SOX5: variants seen among roughly 807,000 people sequenced by gnomAD.
SOX5 encodes the protein transcription factor SOX-5.
A neutral mutation model predicts 92.0 loss-of-function variants in SOX5; 9 were observed. That is an observed-to-expected ratio of 0.10 (90% CI 0.06 to 0.17). The LOEUF (loss-of-function observed/expected upper bound fraction) is 0.17. Among genes scored for constraint, SOX5 ranks in the 10% least tolerant of loss-of-function variants. SOX5 has a pLI of 1.00. For missense variants in SOX5, 642 were observed against 944.5 expected, an observed-to-expected ratio of 0.68 and a Z score of 4.20; for synonymous variants, 344 against 336.3, an observed-to-expected ratio of 1.02 and a Z score of -0.25.
chr12:23,878,588 T>G (rs1003233169), intron 2 of SOX5, among the ~76,000 whole-genome samples: 2 of 152,078 alleles, frequency 1.3e-5, no homozygotes, highest in African/African-American at 4.8e-5. Context: ...TCCATGTTAT[T>G]TTTCTTTTTG....
At chr12:23,875,663 T>C (rs1434655798) in intron 2 of SOX5, among the ~76,000 whole-genome samples, 4 of 152,174 alleles carry the variant, frequency 2.6e-5, no homozygotes, top group Non-Finnish European at 5.9e-5. Context: ...GAATTACCAC[T>C]GACTTTAAAG....
At chr12:23,739,149 G>A (rs11047072) in intron 5 of SOX5, among the ~76,000 whole-genome samples, 5,265 of 152,232 alleles carry the variant, frequency 0.035, 315 homozygotes, top group African/African-American at 0.12. Context: ...GTAGACACAC[G>A]AATATTAAAT....
chr12:24,324,029 C>G (rs962467747), intron 2 of SOX5, among the ~76,000 whole-genome samples: 2 of 152,106 alleles, frequency 1.3e-5, no homozygotes, highest in Non-Finnish European at 2.9e-5. Context: ...TTAGTGAAAG[C>G]AAATGGACTG....
intron 2 of SOX5, among the ~76,000 whole-genome samples, chr12:24,321,708 A>G (rs1950225680): frequency 6.6e-6 from 1 of 152,182 alleles, no homozygotes; most frequent in African/African-American, 2.4e-5. Context: ...TAGTGTTAAT[A>G]TTTTAAGGTT....
intron 4 of SOX5, among the ~76,000 whole-genome samples, chr12:24,205,934 T>C (rs563043705): frequency 6.6e-6 from 1 of 152,358 alleles, no homozygotes; most frequent in East Asian, 1.9e-4. Flanking sequence ...CCTCCTGCTC[T>C]AATCTGTGTT....
At position 24,296,801 on chromosome 12, in the gene SOX5, G is replaced by A. The variant is rs141445427; in HGVS notation, c.-173-19489C>T. Among the ~76,000 whole-genome samples, 51 of 142,432 alleles carry A rather than the reference G, an allele frequency of 3.6e-4. 1 individual carries two copies. The highest frequency in any genetic ancestry group is 5.3e-4 in the African/African-American group (20 of 38,090). 93.4% of individuals were successfully genotyped at this position (142,432 alleles called of 152,430 possible). ...TTATCTAGAAAGCAAATCTGTAATC[G>A]GCAGATACATTGTTCTTAAAAAAAA... On this transcript the variant is annotated intron_variant, in intron 2 of 4. Transcript: ENST00000446891.
chr12:24,125,083 C>A (rs991721557), intron 4 of SOX5, among the ~76,000 whole-genome samples: 2 of 152,040 alleles, frequency 1.3e-5, no homozygotes, highest in Non-Finnish European at 2.9e-5. Flanking sequence ...GCTTTTAATC[C>A]TAGGTCAAAA....
chr12:23,814,752 C>T (rs2095952642), intron 3 of SOX5, among the ~76,000 whole-genome samples: 1 of 152,160 alleles, frequency 6.6e-6, no homozygotes, highest in Non-Finnish European at 1.5e-5. Context: ...CTGAAGCAAA[C>T]ACTGCAAACA....
intron 4 of SOX5, among the ~76,000 whole-genome samples, chr12:24,101,143 A>C (rs992521140): frequency 6.6e-6 from 1 of 152,146 alleles, no homozygotes; most frequent in Non-Finnish European, 1.5e-5. Context: ...TACTGCTCTC[A>C]GAAGGAAAAC....
At chr12:23,664,106 G>C (rs2083442923) in intron 7 of SOX5, among the ~76,000 whole-genome samples, 1 of 151,968 alleles carries the variant, frequency 6.6e-6, no homozygotes, top group Admixed American at 6.6e-5. Context: ...ATCTCAAATT[G>C]CTTTGCATAT....
chr12:24,388,455 A>T (rs1958647752), intron 1 of SOX5, among the ~76,000 whole-genome samples: 1 of 152,112 alleles, frequency 6.6e-6, no homozygotes, highest in African/African-American at 2.4e-5. Context: ...CTGTCAGAGC[A>T]CGGTGATGTC....
chr12:23,986,630 T>C (rs1950088572), intron 4 of SOX5, among the ~76,000 whole-genome samples: 1 of 152,204 alleles, frequency 6.6e-6, no homozygotes, highest in South Asian at 2.1e-4. Flanking sequence ...TGGTACTAAA[T>C]AACAGATTTG....
intron 4 of SOX5, among the ~76,000 whole-genome samples, chr12:23,958,670 T>C (rs893152588): frequency 1.3e-5 from 2 of 151,220 alleles, no homozygotes; most frequent in East Asian, 1.9e-4. Context: ...CTATCTAAAA[T>C]ATACAATAAA....
At chr12:23,800,279 A>C (rs1254925760) in intron 3 of SOX5, among the ~76,000 whole-genome samples, 1 of 152,224 alleles carries the variant, frequency 6.6e-6, no homozygotes, top group Non-Finnish European at 1.5e-5. Flanking sequence ...ACAAAATGTC[A>C]ATGAGAATAA....
At chr12:23,928,263 A>T (rs1230615253) in intron 1 of SOX5, among the ~76,000 whole-genome samples, 1 of 152,098 alleles carries the variant, frequency 6.6e-6, no homozygotes, top group East Asian at 1.9e-4. Context: ...GATCTCAGAG[A>T]TTCAACATCC....
chr12:23,885,245 CTT>C (rs1178155306), intron 2 of SOX5, among the ~76,000 whole-genome samples: 1 of 152,142 alleles, frequency 6.6e-6, no homozygotes, highest in Non-Finnish European at 1.5e-5. Context: ...ATTAATGTAA[CTT>C]ATTTTTCTTA....
intron 1 of SOX5, among the ~76,000 whole-genome samples, chr12:24,454,155 C>G (rs1028401587): frequency 2.6e-5 from 4 of 152,056 alleles, no homozygotes; most frequent in Admixed American, 1.3e-4. Context: ...TTAAGTATTC[C>G]GTGAATAAAC....
At chr12:23,770,539 T>C (rs1164196106) in intron 3 of SOX5, among the ~76,000 whole-genome samples, 1 of 126,804 alleles carries the variant, frequency 7.9e-6, no homozygotes, top group East Asian at 3.1e-4. Flanking sequence ...AAAAAAATTC[T>C]TTTTTCAGAT....
chr12:23,588,348 G>T (rs1223925582), intron 9 of SOX5, among the ~76,000 whole-genome samples: 1 of 151,948 alleles, frequency 6.6e-6, no homozygotes, highest in Non-Finnish European at 1.5e-5. Flanking sequence ...TGATTCTTAA[G>T]TGTCTATACT....
Sources: gnomAD v4.1 joint callset for allele counts (sites outside exome capture counted in the v4.1 genomes callset) on GRCh38, gnomAD v4.1.1 for gene constraint, MANE v1.5 for transcripts, NCBI Gene and HGNC (gene_info 2026-07-23, HGNC 2026-07-21) for gene names.